DPP10: variants seen among roughly 807,000 people sequenced by gnomAD.
DPP10 encodes the protein dipeptidyl peptidase like 10, also known as inactive dipeptidyl peptidase 10.
In DPP10, 33 loss-of-function variants were observed where a neutral mutation model predicts 120.9. The ratio of observed to expected loss-of-function variants is 0.27; its 90% CI spans 0.21 to 0.37. The LOEUF is 0.37. Among genes scored for constraint, DPP10 ranks in the 10% least tolerant of loss-of-function variants. The probability of loss-of-function intolerance (pLI) is 1.00; values close to 1 mark genes in which losing one functional copy is unlikely to be tolerated. For synonymous variants in DPP10, 337 were observed against 326.1 expected, an observed-to-expected ratio of 1.03 and a Z score of -0.36; for missense variants, 816 against 942.8, an observed-to-expected ratio of 0.87 and a Z score of 1.76.
intron 1 of DPP10, among the ~76,000 whole-genome samples, chr2:114,666,069 C>T (rs1270833483): frequency 6.6e-6 from 1 of 152,102 alleles, no homozygotes; most frequent in Non-Finnish European, 1.5e-5. Flanking sequence ...CTTATATATA[C>T]TAGTTATTGG....
intron 3 of DPP10, among the ~76,000 whole-genome samples, chr2:115,440,470 T>C (rs2071926476): frequency 6.9e-6 from 1 of 145,782 alleles, no homozygotes; most frequent in Admixed American, 7.0e-5. Context: ...TATTTTACTA[T>C]GCAATTTCTT....
intron 1 of DPP10, among the ~76,000 whole-genome samples, chr2:114,729,674 T>C (rs1676695231): frequency 6.6e-6 from 1 of 152,222 alleles, no homozygotes; most frequent in African/African-American, 2.4e-5. Context: ...TTCTAAACTT[T>C]CCAGCTGATT....
At chr2:115,684,361 G>A (rs1205784594) in intron 5 of DPP10, among the ~76,000 whole-genome samples, 3 of 151,708 alleles carry the variant, frequency 2.0e-5, no homozygotes, top group Non-Finnish European at 2.9e-5. Flanking sequence ...ACAAAGTCAC[G>A]ACTCACTCAT....
At chr2:114,926,477 A>G (rs974755590) in intron 1 of DPP10, among the ~76,000 whole-genome samples, 7 of 152,216 alleles carry the variant, frequency 4.6e-5, no homozygotes, top group African/African-American at 7.2e-5. Context: ...TCAGATCACA[A>G]AAGCCCTTCC....
chr2:114,457,614 G>A (rs1267438551), intron 1 of DPP10, among the ~76,000 whole-genome samples: 1 of 152,156 alleles, frequency 6.6e-6, no homozygotes. Flanking sequence ...TTTACAGATG[G>A]AGGAATCTGG....
intron 2 of DPP10, among the ~76,000 whole-genome samples, chr2:115,334,230 G>GTTTTTTTTTTTTTTGTTTTGT (rs1553554645): frequency 1.8e-5 from 1 of 56,412 alleles, no homozygotes; most frequent in East Asian, 5.5e-4. Context: ...AGCAGACTCT[G>GTTTTTTTTTTTTTTGTTTTGT]TTTTTTTTTT....
chr2:115,723,890 A>G (rs1487887180), intron 7 of DPP10, among the ~76,000 whole-genome samples: 1 of 152,192 alleles, frequency 6.6e-6, no homozygotes, highest in Non-Finnish European at 1.5e-5. Flanking sequence ...GTAACTTTAC[A>G]GATCTTTCCA....
intron 1 of DPP10, among the ~76,000 whole-genome samples, chr2:115,095,288 T>G (rs1466518953): frequency 6.6e-6 from 1 of 152,144 alleles, no homozygotes; most frequent in Non-Finnish European, 1.5e-5. Flanking sequence ...AGAAAAAAGT[T>G]AGTGGAGTTC....
chr2:115,151,986 G>T (rs2051591646), intron 1 of DPP10, among the ~76,000 whole-genome samples: 1 of 150,696 alleles, frequency 6.6e-6, no homozygotes. Context: ...TTTTTCTTGA[G>T]TTTGATCTCT....
At chr2:114,641,678 A>T (rs900575407) in intron 1 of DPP10, among the ~76,000 whole-genome samples, 3 of 152,028 alleles carry the variant, frequency 2.0e-5, no homozygotes, top group African/African-American at 7.3e-5. Flanking sequence ...TTAAAAGTCC[A>T]GATAAAAGCC....
chr2:114,617,634 C>T (rs932366129), intron 1 of DPP10, among the ~76,000 whole-genome samples: 1 of 152,148 alleles, frequency 6.6e-6, no homozygotes, highest in Non-Finnish European at 1.5e-5. Context: ...TTATTTCACT[C>T]ATTTAAAGGC....
At chr2:115,423,562 A>G (rs1426443507) in intron 3 of DPP10, among the ~76,000 whole-genome samples, 1 of 152,124 alleles carries the variant, frequency 6.6e-6, no homozygotes, top group Non-Finnish European at 1.5e-5. Flanking sequence ...AACAAATGAC[A>G]AAAAGAACGG....
rs564081465 is a variant in DPP10, at chr2:115,189,904, ACTC to A, written c.61-119329_61-119327del. Among the ~76,000 whole-genome samples the A allele has an allele frequency of 6.1e-4, 93 of 151,916 alleles. 1 individual carries two copies. In the East Asian group the frequency reaches 0.014, roughly 22 times the overall value. ...TAGCCACCCTGTGAAGGAGGCATTT[ACTC>A]CTCCTGAGTTTTTGGCTAACTCCTT... On this transcript the variant is annotated intron_variant, in intron 1 of 25. Coordinates refer to ENST00000410059, the MANE Select transcript of DPP10 (RefSeq NM_020868.6).
chr2:114,614,074 A>C (rs1172192205), intron 1 of DPP10, among the ~76,000 whole-genome samples: 1 of 152,120 alleles, frequency 6.6e-6, no homozygotes. Context: ...ACCATGGTAC[A>C]TGTGTACCTA....
In DPP10 at chr2:115,715,028, C is replaced by CAA. The variant is rs70941091; in HGVS notation, c.577-12768_577-12767dup. On this transcript the variant is annotated intron_variant, in intron 7 of 25. Transcript: ENST00000410059. Reference sequence around the variant, plus strand: ...TGGGAGACAGAGCAAGACTCTGTCTCAAAAAAAAAAAAAAAAAAAAATTAT... The same window carrying CAA: ...TGGGAGACAGAGCAAGACTCTGTCTCAAAAAAAAAAAAAAAAAAAAAAATTAT... Among the ~76,000 whole-genome samples, 422 of 65,892 alleles carry CAA rather than the reference C, an allele frequency of 6.4e-3. 11 individuals carry two copies. The highest frequency in any genetic ancestry group is 9.3e-3 in the South Asian group (16 of 1,722). The allele number at this position is 65,892 out of a possible 152,430, so 43.2% of individuals were successfully genotyped here. A position where few individuals can be genotyped will look rare whatever the true frequency, so the allele number is the denominator to read the frequency against.
chr2:115,736,155 A>T (rs1676474901), intron 8 of DPP10, among the ~76,000 whole-genome samples: 1 of 152,058 alleles, frequency 6.6e-6, no homozygotes, highest in South Asian at 2.1e-4. Flanking sequence ...TTCTAAACTC[A>T]CCAACTTCAA....
Position 115,004,708 on chromosome 2 carries a change from G to A in DPP10, c.61-304531G>A, listed in dbSNP as rs371314377. ...TGAGATTATATCCCGCACCTGGCTCGGAGGGTCCTACCCCATGGAGTCTCA... is the reference window on the plus strand; with the variant it reads ...TGAGATTATATCCCGCACCTGGCTCAGAGGGTCCTACCCCATGGAGTCTCA... On this transcript the variant is annotated intron_variant, in intron 1 of 25. Transcript: ENST00000410059. Among the ~76,000 whole-genome samples, 117 of 152,288 alleles carry A rather than the reference G, an allele frequency of 7.7e-4. 2 individuals carry two copies. The highest frequency in any genetic ancestry group is 2.2e-3 in the African/African-American group (93 of 41,572).
At chr2:115,644,617 G>GAA (rs374225458) in intron 5 of DPP10, among the ~76,000 whole-genome samples, 6,020 of 138,210 alleles carry the variant, frequency 0.044, 427 homozygotes, top group African/African-American at 0.15. Context: ...TAAGGTATTT[G>GAA]AAAAAAAAAA....
chr2:114,692,694 C>A (rs768650813), intron 1 of DPP10, among the ~76,000 whole-genome samples: 1 of 151,898 alleles, frequency 6.6e-6, no homozygotes, highest in Non-Finnish European at 1.5e-5. Flanking sequence ...AAGTCTTCCA[C>A]TATTATTGTG....
Sources: allele counts gnomAD v4.1 joint callset (sites outside exome capture counted in the v4.1 genomes callset), GRCh38; gene constraint gnomAD v4.1.1; transcripts MANE v1.5; gene names NCBI Gene and HGNC (gene_info 2026-07-23, HGNC 2026-07-21).